The following PEX7 variants were observed in gnomAD, a reference collection of about 807,000 sequenced individuals.
The protein encoded by PEX7 is peroxisomal biogenesis factor 7.
A neutral mutation model predicts 47.5 loss-of-function variants in PEX7; 34 were observed. The ratio of observed to expected loss-of-function variants is 0.72; its 90% confidence interval spans 0.54 to 0.95. PEX7 has a LOEUF of 0.95. PEX7 is among the 40% of genes least tolerant of loss of function. The pLI is 0.00. For missense variants in PEX7, 394 were observed against 400.3 expected (o/e 0.98, Z 0.13); for synonymous variants, 141 against 148.8 (o/e 0.95, Z 0.38).
chr6:136,894,501 A>G (rs6920700), intron 8 of PEX7, among the ~76,000 whole-genome samples: 9,430 of 152,194 alleles, frequency 0.062, 679 homozygotes, highest in African/African-American at 0.17. Context: ...GAGGCAGGAG[A>G]ATTGCTTGAA....
chr6:136,826,629 CAT>C (rs1774198265), intron 3 of PEX7, among the ~76,000 whole-genome samples, 160 bp downstream of exon 3: 1 of 151,242 alleles, frequency 6.6e-6, no homozygotes, highest in Admixed American at 6.6e-5. Flanking sequence ...ATTATTCAAA[CAT>C]AAAGTACCTC....
rs138248859 is a variant in PEX7 at position 136,843,699 on chromosome 6, C to G, written c.340-1916C>G. Among the ~76,000 whole-genome samples the G allele has an allele frequency of 5.0e-4, 76 of 152,296 alleles. No homozygotes were observed. In the East Asian group the frequency reaches 0.014, roughly 27 times the overall value. Reference sequence around the variant, plus strand: ...TCTTCAGTGATTGCTTCCAAACCAGCCTTTTTTCTATCCATAACTAACAGA... The same window carrying G: ...TCTTCAGTGATTGCTTCCAAACCAGGCTTTTTTCTATCCATAACTAACAGA... On this transcript the variant is annotated intron_variant, in intron 3 of 9. Transcript: ENST00000318471.
At chr6:136,871,298 T>C (rs1425317508) in intron 7 of PEX7, among the ~76,000 whole-genome samples, 1 of 152,170 alleles carries the variant, frequency 6.6e-6, no homozygotes, top group Non-Finnish European at 1.5e-5. Context: ...ACTTATTAAG[T>C]ACATTATTAC....
intron 5 of PEX7, among the ~76,000 whole-genome samples, chr6:136,856,471 T>C (rs1261878025): frequency 2.0e-5 from 3 of 152,188 alleles, no homozygotes; most frequent in African/African-American, 4.8e-5. Context: ...CACCACATGA[T>C]GGCAAGATAG....
rs374578981 is a variant in PEX7, at chr6:136,837,812, C to CTACA, written c.340-7803_340-7802insTACA. Reference sequence around the variant, plus strand: ...AGAATGAAAGCAATGAATTTAAACGCCACACACACACACACACACACACAC... The same window carrying CTACA: ...AGAATGAAAGCAATGAATTTAAACGCTACACACACACACACACACACACACACAC... On this transcript the variant is annotated intron_variant, in intron 3 of 9. Coordinates refer to ENST00000318471, the MANE Select transcript of PEX7 (RefSeq NM_000288.4). Among the ~76,000 whole-genome samples, 81 of 146,814 alleles carry CTACA rather than the reference C, an allele frequency of 5.5e-4. No homozygotes were observed. The East Asian group carries it at 5.8e-3, about 11-fold the overall frequency.
chr6:136,830,004 C>T (rs760880829), intron 3 of PEX7: 9 of 703,768 alleles, frequency 1.3e-5, no homozygotes, highest in Non-Finnish European at 2.1e-5. Flanking sequence ...TTTTTTCCAC[C>T]AGTATGTTCA....
At chr6:136,880,309 T>C (rs1016882603) in intron 8 of PEX7, among the ~76,000 whole-genome samples, 1 of 152,208 alleles carries the variant, frequency 6.6e-6, no homozygotes, top group African/African-American at 2.4e-5. Flanking sequence ...CCCTAAACTA[T>C]CAACTTTCTA....
In PEX7 at chr6:136,869,928, A is replaced by G. The variant is rs747145944; in HGVS notation, c.672A>G (p.Arg224=). ...CCGGGGCGGTTGACTGTAGTTTGAG[A>G]GGCTGGGACTTAAGGAATGTACGAC... The part of the protein sequence containing the change: ...LVTGAVDCSL[R]GWDLRNVRQP... Residue 224 remains arginine (R), a synonymous_variant, in exon 7 of 10, where the codon AGA becomes AGG. Coordinates refer to ENST00000318471, the MANE Select transcript of PEX7 (RefSeq NM_000288.4). 2 of 1,614,060 alleles carry G rather than the reference A, an allele frequency of 1.2e-6. No homozygotes were observed. The highest frequency in any genetic ancestry group is 1.7e-6 in the Non-Finnish European group (2 of 1,179,980).
In PEX7 at chr6:136,836,878, G is replaced by A. The variant is rs796869621; in HGVS notation, c.340-8737G>A. ...TGAGGCAGGAGAATCGCTTGAACCC[G>A]GGAGGCAGAGTTTGCAGTGAGTGAA... On this transcript the variant is annotated intron_variant, in intron 3 of 9. Transcript: ENST00000318471. Among the ~76,000 whole-genome samples the A allele has an allele frequency of 8.5e-5, 13 of 152,178 alleles. 1 individual carries two copies. The highest frequency in any genetic ancestry group is 2.2e-4 in the African/African-American group (9 of 41,504).
At chr6:136,831,461 C>T (rs896735709) in intron 3 of PEX7, among the ~76,000 whole-genome samples, 6 of 152,166 alleles carry the variant, frequency 3.9e-5, no homozygotes, top group African/African-American at 1.4e-4. Flanking sequence ...CCATATCATT[C>T]CACTCCTGGC....
At chr6:136,865,784 AT>A (rs940229572) in intron 5 of PEX7, among the ~76,000 whole-genome samples, 7 of 152,150 alleles carry the variant, frequency 4.6e-5, no homozygotes, top group African/African-American at 1.4e-4. Flanking sequence ...TCTCAAAAAA[AT>A]ATCAAAATAA....
chr6:136,867,624 T>TA (rs566997534), intron 6 of PEX7, among the ~76,000 whole-genome samples: 253 of 151,746 alleles, frequency 1.7e-3, no homozygotes, highest in African/African-American at 5.9e-3. Flanking sequence ...AGTCAAAAAG[T>TA]AAAAAAAGCC....
At chr6:136,878,253 C>CA (rs1305077695) in intron 8 of PEX7, among the ~76,000 whole-genome samples, 4 of 152,282 alleles carry the variant, frequency 2.6e-5, no homozygotes, top group African/African-American at 9.6e-5. Flanking sequence ...TCTGCAAACA[C>CA]AGACGATTTG....
chr6:136,875,132 TC>T (rs1444693514), intron 8 of PEX7, among the ~76,000 whole-genome samples: 1 of 150,328 alleles, frequency 6.7e-6, no homozygotes, highest in Non-Finnish European at 1.5e-5. Flanking sequence ...AGAGCAAAAC[TC>T]TGTCTCAAAA....
intron 8 of PEX7, among the ~76,000 whole-genome samples, chr6:136,892,911 A>G (rs570473375): frequency 7.8e-4 from 119 of 152,230 alleles, no homozygotes; most frequent in South Asian, 1.5e-3. Flanking sequence ...CCAAGCTGCT[A>G]TTACCTCTTT....
intron 5 of PEX7, among the ~76,000 whole-genome samples, chr6:136,860,606 A>G (rs550932063): frequency 1.8e-4 from 28 of 151,670 alleles, no homozygotes; most frequent in Non-Finnish European, 3.7e-4. Context: ...AACATGGCAC[A>G]TGTATACATA....
rs1208528237 is a variant in PEX7 at position 136,822,731 on chromosome 6, C to T, written c.66C>T (p.Ala22=). ...LRTPGRHGYA[A]EFSPYLPGRL... ...CGCCGGGACGCCACGGCTACGCCGC[C>T]GAGTTCTCCCCGTACCTGCCGGGCC... Residue 22 remains alanine (A), a synonymous_variant, in exon 1 of 10, where the codon GCC becomes GCT. Coordinates refer to ENST00000318471, the MANE Select transcript of PEX7 (RefSeq NM_000288.4). 1.3e-6 allele frequency: 2 copies of T among 1,512,594 alleles called. No individual in the cohort carries two copies. The highest frequency in any genetic ancestry group is 8.8e-7 in the Non-Finnish European group (1 of 1,137,346). 93.7% of individuals were successfully genotyped at this position (1,512,594 alleles called of 1,614,324 possible).
At chr6:136,869,862 A>G (rs762530922) in intron 6 of PEX7, 28 bp from the exon 7 acceptor site, 3 of 1,512,548 alleles carry the variant, frequency 2.0e-6, no homozygotes, top group Non-Finnish European at 2.8e-6. Flanking sequence ...AAGATGTCAC[A>G]GTTTATGTTT....
At chr6:136,845,839 G>T (rs114626592) in intron 4 of PEX7, 147 bp downstream of exon 4, 4 of 700,672 alleles carry the variant, frequency 5.7e-6, no homozygotes, top group Non-Finnish European at 1.0e-5. Context: ...ACACTTATTA[G>T]AACTTAAAAT....
Sources: gnomAD v4.1 joint callset for allele counts (sites outside exome capture counted in the v4.1 genomes callset) on GRCh38, gnomAD v4.1.1 for gene constraint, MANE v1.5 for transcripts, NCBI Gene and HGNC (gene_info 2026-07-23, HGNC 2026-07-21) for gene names.